Variants in CCSER1 observed in about 807,000 individuals in gnomAD.
The protein encoded by CCSER1 is coiled-coil serine rich protein 1.
In CCSER1, 41 loss-of-function variants were observed where a neutral mutation model predicts 82.0. The observed-to-expected ratio is 0.50, with a 90% confidence interval of 0.39 to 0.65. The LOEUF (loss-of-function observed/expected upper bound fraction) is 0.65, where lower values mean the gene tolerates loss of function less well. Among genes scored for constraint, CCSER1 ranks in the 30% least tolerant of loss-of-function variants. The pLI is 0.00. For synonymous variants in CCSER1, 414 were observed against 383.9 expected (o/e 1.08, Z -0.92); for missense variants, 1,119 against 1,064.2 (o/e 1.05, Z -0.72).
At chr4:90,793,550 C>A (rs1337304881) in intron 7 of CCSER1, among the ~76,000 whole-genome samples, 1 of 144,250 alleles carries the variant, frequency 6.9e-6, no homozygotes, top group Non-Finnish European at 1.6e-5. Context: ...TTATATACCA[C>A]ATTTTTTCTA....
intron 7 of CCSER1, among the ~76,000 whole-genome samples, chr4:90,769,191 A>G (rs575702135): frequency 7.2e-5 from 11 of 152,342 alleles, no homozygotes; most frequent in African/African-American, 2.6e-4. Flanking sequence ...AGCTCAAGAT[A>G]GAGAAGGGCT....
chr4:91,084,518 T>A (rs1723158668), intron 9 of CCSER1, among the ~76,000 whole-genome samples: 1 of 143,528 alleles, frequency 7.0e-6, no homozygotes, highest in Admixed American at 7.2e-5. Context: ...ATTATGTCAG[T>A]CTGAATTCAA....
chr4:90,603,743 A>G (rs988535059), intron 5 of CCSER1, among the ~76,000 whole-genome samples: 25 of 152,204 alleles, frequency 1.6e-4, no homozygotes, highest in African/African-American at 6.0e-4. Flanking sequence ...ACATTTTGAT[A>G]GATGATACCA....
intron 10 of CCSER1, among the ~76,000 whole-genome samples, chr4:91,533,146 C>T (rs2110173245): frequency 6.6e-6 from 1 of 152,226 alleles, no homozygotes; most frequent in African/African-American, 2.4e-5. Context: ...AATCAATGTA[C>T]AACAGAAACC....
intron 9 of CCSER1, among the ~76,000 whole-genome samples, chr4:91,084,962 A>C (rs766010239): frequency 1.3e-5 from 2 of 152,106 alleles, no homozygotes; most frequent in African/African-American, 2.4e-5. Context: ...GTAACTATGA[A>C]ATACTTAACT....
chr4:91,161,015 C>G (rs1282728713), intron 10 of CCSER1, among the ~76,000 whole-genome samples: 1 of 152,054 alleles, frequency 6.6e-6, no homozygotes, highest in Admixed American at 6.6e-5. Flanking sequence ...AGGTTTTCTT[C>G]TAGGGTTTTT....
chr4:91,053,064 C>A (rs747427844), intron 9 of CCSER1, among the ~76,000 whole-genome samples: 24 of 151,918 alleles, frequency 1.6e-4, no homozygotes, highest in Non-Finnish European at 3.2e-4. Flanking sequence ...GATGACTAAA[C>A]AAAATAGTTT....
intron 8 of CCSER1, among the ~76,000 whole-genome samples, chr4:90,903,970 T>G: frequency 6.6e-6 from 1 of 152,082 alleles, no homozygotes; most frequent in African/African-American, 2.4e-5. Context: ...ATAATTTATT[T>G]AAATGAAAAA....
chr4:90,268,360 T>A (rs932663548), intron 1 of CCSER1, among the ~76,000 whole-genome samples: 2 of 152,088 alleles, frequency 1.3e-5, no homozygotes, highest in Non-Finnish European at 2.9e-5. Flanking sequence ...ATGGATAGTA[T>A]AATAAAATAG....
At chr4:91,420,531 C>CA (rs1459615197) in intron 10 of CCSER1, among the ~76,000 whole-genome samples, 5 of 151,898 alleles carry the variant, frequency 3.3e-5, no homozygotes, top group African/African-American at 7.3e-5. Context: ...GTTAAAAAAA[C>CA]AGGAGATAAC....
chr4:90,809,311 TACACACAC>T (rs56677479), intron 7 of CCSER1, among the ~76,000 whole-genome samples: 1,484 of 148,274 alleles, frequency 0.01, 12 homozygotes, highest in Non-Finnish European at 0.015. Context: ...AGCAAGATCA[TACACACAC>T]ACACACACAC....
At chr4:90,594,372 G>A (rs1199490845) in intron 5 of CCSER1, among the ~76,000 whole-genome samples, 1 of 151,914 alleles carries the variant, frequency 6.6e-6, no homozygotes, top group Non-Finnish European at 1.5e-5. Flanking sequence ...AAGAAACATG[G>A]CTTTCTCCCC....
At chr4:91,462,119 C>G (rs1039174554) in intron 10 of CCSER1, among the ~76,000 whole-genome samples, 4 of 152,040 alleles carry the variant, frequency 2.6e-5, no homozygotes, top group African/African-American at 9.7e-5. Context: ...TAAATGTAAT[C>G]TTCAATTAGT....
At chr4:90,324,026 T>C (rs1737664113) in intron 3 of CCSER1, among the ~76,000 whole-genome samples, 1 of 152,208 alleles carries the variant, frequency 6.6e-6, no homozygotes, top group Admixed American at 6.5e-5. Flanking sequence ...TGCATAGTAT[T>C]CCATGGTGTA....
At chr4:91,275,129 T>C (rs60776738) in intron 10 of CCSER1, among the ~76,000 whole-genome samples, 2,844 of 151,942 alleles carry the variant, frequency 0.019, 91 homozygotes, top group African/African-American at 0.062. Context: ...AACACTAATT[T>C]ATTTTCCTCT....
chr4:90,162,522 A>G (rs555301319), intron 1 of CCSER1, among the ~76,000 whole-genome samples: 12 of 152,206 alleles, frequency 7.9e-5, no homozygotes, highest in African/African-American at 2.6e-4. Flanking sequence ...GTGTTTTTCA[A>G]TTAGAAAATA....
chr4:90,323,622 A>G (rs1737575420), intron 3 of CCSER1, among the ~76,000 whole-genome samples: 1 of 152,006 alleles, frequency 6.6e-6, no homozygotes, highest in Non-Finnish European at 1.5e-5. Flanking sequence ...GGATGGAGTA[A>G]TGGTGGTTTG....
chr4:90,444,474 A>G (rs1760352785), intron 4 of CCSER1, among the ~76,000 whole-genome samples: 1 of 152,016 alleles, frequency 6.6e-6, no homozygotes, highest in South Asian at 2.1e-4. Context: ...GTTTTTGCCA[A>G]CTTGTCAAAA....
intron 10 of CCSER1, among the ~76,000 whole-genome samples, chr4:91,171,511 C>T (rs1351789616): frequency 1.3e-5 from 2 of 152,124 alleles, no homozygotes; most frequent in Non-Finnish European, 2.9e-5. Context: ...CTGAAATGGA[C>T]TTTAATTATC....
Sources: allele counts gnomAD v4.1 joint callset (sites outside exome capture counted in the v4.1 genomes callset), GRCh38; gene constraint gnomAD v4.1.1; transcripts MANE v1.5; gene names NCBI Gene and HGNC (gene_info 2026-07-23, HGNC 2026-07-21).